The following RALGAPA2 variants were observed in gnomAD, a reference collection of about 807,000 sequenced individuals.
RALGAPA2 encodes the protein Ral GTPase activating protein catalytic subunit alpha 2, also known as ral GTPase-activating protein subunit alpha-2.
RALGAPA2 carries 139 observed loss-of-function variants against 230.4 expected under a neutral mutation model. The ratio of observed to expected loss-of-function variants is 0.60; its 90% CI spans 0.53 to 0.69. RALGAPA2 has a LOEUF of 0.69. Among genes scored for constraint, RALGAPA2 ranks in the 30% least tolerant of loss-of-function variants. RALGAPA2 has a pLI of 0.00. For synonymous variants in RALGAPA2, 847 were observed against 837.8 expected (o/e 1.01, Z -0.19); for missense variants, 2,163 against 2,276.0 (o/e 0.95, Z 1.01).
At chr20:20,402,447 G>A (rs116234503) in intron 38 of RALGAPA2, among the ~76,000 whole-genome samples, 236 of 152,322 alleles carry the variant, frequency 1.5e-3, no homozygotes, top group African/African-American at 5.4e-3. Flanking sequence ...TCACGCACAC[G>A]CGTGCTCATG....
rs1435225094 is a variant in RALGAPA2 at position 20,693,376 on chromosome 20, C to T, written c.107-12575G>A. 3.3e-5 allele frequency among the ~76,000 whole-genome samples: 5 copies of T among 152,164 alleles called. No homozygotes were observed. In the East Asian group the frequency reaches 9.6e-4, roughly 29 times the overall value. ...TCCAAATCAAATGTGAGTTATATTA[C>T]ATTTTAATATATTTATCTATCAGGA... On this transcript the variant is annotated intron_variant, in intron 1 of 39. Transcript: ENST00000202677.
At chr20:20,555,030 CTTTCT>C (rs1175499013) in intron 23 of RALGAPA2, among the ~76,000 whole-genome samples, 1 of 152,116 alleles carries the variant, frequency 6.6e-6, no homozygotes, top group Non-Finnish European at 1.5e-5. Flanking sequence ...TAGTCCTTTC[CTTTCT>C]AAGAGTTTTA....
At chr20:20,674,574 C>A (rs577400732) in intron 3 of RALGAPA2, among the ~76,000 whole-genome samples, 1 of 152,180 alleles carries the variant, frequency 6.6e-6, no homozygotes, top group Non-Finnish European at 1.5e-5. Flanking sequence ...TACTCATAGA[C>A]AATCTGTCTA....
chr20:20,528,930 G>C (rs2063298212), intron 27 of RALGAPA2, among the ~76,000 whole-genome samples: 1 of 152,216 alleles, frequency 6.6e-6, no homozygotes, highest in Non-Finnish European at 1.5e-5. Context: ...TCCTGGCAGA[G>C]CCCCAAAGCC....
At chr20:20,439,117 T>TCA (rs2060678344) in intron 37 of RALGAPA2, among the ~76,000 whole-genome samples, 1 of 152,116 alleles carries the variant, frequency 6.6e-6, no homozygotes, top group South Asian at 2.1e-4. Flanking sequence ...TTGGCTCAAG[T>TCA]CACTCTCCCA....
chr20:20,404,878 C>T (rs2059914299), intron 38 of RALGAPA2, among the ~76,000 whole-genome samples: 1 of 152,212 alleles, frequency 6.6e-6, no homozygotes, highest in Non-Finnish European at 1.5e-5. Flanking sequence ...CAAGGTCACA[C>T]TTCAAAATGA....
intron 16 of RALGAPA2, among the ~76,000 whole-genome samples, chr20:20,595,879 G>T (rs911976747): frequency 6.6e-6 from 1 of 152,008 alleles, no homozygotes; most frequent in African/African-American, 2.4e-5. Context: ...ACTGGGACCT[G>T]GGAGGCAGAG....
intron 14 of RALGAPA2, 40 bp downstream of exon 14, chr20:20,611,275 C>A: frequency 6.4e-7 from 1 of 1,555,126 alleles, no homozygotes; most frequent in South Asian, 1.3e-5. Context: ...AAATCTGATT[C>A]ATTTCTTGCA....
At chr20:20,613,240 G>A (rs1228296550) in intron 13 of RALGAPA2, among the ~76,000 whole-genome samples, 1 of 152,242 alleles carries the variant, frequency 6.6e-6, no homozygotes, top group Non-Finnish European at 1.5e-5. Flanking sequence ...TGCTCAAAGA[G>A]TGTAATAAAC....
intron 37 of RALGAPA2, among the ~76,000 whole-genome samples, chr20:20,458,823 T>C: frequency 3.2e-4 from 1 of 3,094 alleles, no homozygotes; most frequent in African/African-American, 1.1e-3. Flanking sequence ...TATATAGACC[T>C]ATATATATAT....
chr20:20,434,125 G>C (rs981310385), intron 37 of RALGAPA2, among the ~76,000 whole-genome samples: 5 of 152,084 alleles, frequency 3.3e-5, no homozygotes, highest in African/African-American at 1.2e-4. Flanking sequence ...AATTTAGCAA[G>C]GTCCAGCAGT....
intron 10 of RALGAPA2, among the ~76,000 whole-genome samples, chr20:20,623,538 T>C (rs1000885011): frequency 5.3e-5 from 8 of 149,728 alleles, no homozygotes; most frequent in African/African-American, 1.7e-4. Flanking sequence ...CAGAGTAGGA[T>C]ACTCTTCCAA....
chr20:20,551,975 G>A (rs936456592), intron 23 of RALGAPA2, among the ~76,000 whole-genome samples: 26 of 152,068 alleles, frequency 1.7e-4, no homozygotes, highest in Non-Finnish European at 3.4e-4. Context: ...AAAAAAGGGC[G>A]ATTACAGGCC....
chr20:20,405,433 C>G (rs1247711256), intron 38 of RALGAPA2, among the ~76,000 whole-genome samples: 1 of 152,194 alleles, frequency 6.6e-6, no homozygotes, highest in Non-Finnish European at 1.5e-5. Flanking sequence ...CACAGTCCTG[C>G]TCAGTGGCAG....
At chr20:20,408,794 ATGTT>A (rs2059999347) in intron 38 of RALGAPA2, among the ~76,000 whole-genome samples, 1 of 152,194 alleles carries the variant, frequency 6.6e-6, no homozygotes, top group Admixed American at 6.5e-5. Flanking sequence ...AAACATATAT[ATGTT>A]AATTGCAACC....
At chr20:20,471,731 G>A (rs1023404498) in intron 37 of RALGAPA2, 3 of 152,144 alleles carry the variant, frequency 2.0e-5, no homozygotes, top group Non-Finnish European at 4.4e-5. Context: ...GCCCCCAGGG[G>A]AGGGACCAGA....
intron 37 of RALGAPA2, 85 bp from the exon 38 acceptor site, chr20:20,412,233 A>G (rs2060077076): frequency 6.5e-7 from 1 of 1,544,378 alleles, no homozygotes; most frequent in Non-Finnish European, 8.9e-7. Context: ...ACCGTTGTGC[A>G]ATTTTTTCTG....
At chr20:20,393,613 C>A (rs549804575) in intron 39 of RALGAPA2, among the ~76,000 whole-genome samples, 1 of 152,112 alleles carries the variant, frequency 6.6e-6, no homozygotes, top group East Asian at 1.9e-4. Flanking sequence ...TGGAAAAGCC[C>A]GTGAAACTTC....
intron 27 of RALGAPA2, 143 bp downstream of exon 27, chr20:20,531,544 C>T: frequency 1.3e-6 from 1 of 746,494 alleles, no homozygotes; most frequent in Non-Finnish European, 2.2e-6. Flanking sequence ...GGTGCCCCTC[C>T]CGGGAGCCTC....
Sources: gnomAD v4.1 joint callset for allele counts (sites outside exome capture counted in the v4.1 genomes callset) on GRCh38, gnomAD v4.1.1 for gene constraint, MANE v1.5 for transcripts, NCBI Gene and HGNC (gene_info 2026-07-23, HGNC 2026-07-21) for gene names.